Variants in DLG2 observed in about 807,000 individuals in gnomAD.
DLG2 encodes discs large MAGUK scaffold protein 2.
Under a neutral mutation model 132.5 loss-of-function variants are expected in DLG2, and 45 were observed. That is an observed-to-expected ratio of 0.34 (90% CI 0.27 to 0.44). The LOEUF (loss-of-function observed/expected upper bound fraction) is 0.44. Ranked by LOEUF, DLG2 falls within the 20% of genes least tolerant of loss-of-function variation. DLG2 has a pLI of 1.00. For synonymous variants in DLG2, 424 were observed against 419.6 expected, an observed-to-expected ratio of 1.01 and a Z score of -0.13; for missense variants, 1,045 against 1,196.9, an observed-to-expected ratio of 0.87 and a Z score of 1.87.
intron 6 of DLG2, among the ~76,000 whole-genome samples, chr11:84,708,387 A>C (rs1180576180): frequency 2.0e-5 from 3 of 151,914 alleles, no homozygotes; most frequent in African/African-American, 7.2e-5. Flanking sequence ...TTCTGTACAC[A>C]GCAAGCAAAT....
intron 11 of DLG2, among the ~76,000 whole-genome samples, chr11:84,028,713 T>C (rs548191164): frequency 1.3e-5 from 2 of 152,228 alleles, no homozygotes; most frequent in South Asian, 4.1e-4. Flanking sequence ...GGAGTGCCCT[T>C]CTCCAAACTA....
intron 6 of DLG2, among the ~76,000 whole-genome samples, chr11:85,101,863 G>T (rs2070899840): frequency 6.6e-6 from 1 of 152,026 alleles, no homozygotes; most frequent in Admixed American, 6.6e-5. Context: ...CTTCAGTTCT[G>T]AATGGTAGGT....
intron 6 of DLG2, among the ~76,000 whole-genome samples, chr11:85,090,814 CCTGACA>C (rs2068642556): frequency 6.6e-6 from 1 of 152,136 alleles, no homozygotes; most frequent in African/African-American, 2.4e-5. Flanking sequence ...TACAAAGATA[CCTGACA>C]CTGAGTAATT....
At chr11:84,253,975 A>C (rs910600453) in intron 7 of DLG2, among the ~76,000 whole-genome samples, 26 of 152,174 alleles carry the variant, frequency 1.7e-4, no homozygotes, top group African/African-American at 6.3e-4. Context: ...AAGATGCCTA[A>C]GGATATTGCA....
intron 6 of DLG2, among the ~76,000 whole-genome samples, chr11:84,938,945 C>T (rs1392318906): frequency 1.3e-5 from 2 of 152,108 alleles, no homozygotes; most frequent in African/African-American, 2.4e-5. Context: ...TAAAATTAAG[C>T]ACATTCAAAA....
chr11:85,014,396 G>C (rs1210571350), intron 6 of DLG2, among the ~76,000 whole-genome samples: 1 of 152,114 alleles, frequency 6.6e-6, no homozygotes, highest in Admixed American at 6.6e-5. Flanking sequence ...GGAAAGAGTA[G>C]GTATTACTTA....
intron 9 of DLG2, among the ~76,000 whole-genome samples, chr11:84,152,666 G>A (rs940987719): frequency 1.3e-5 from 2 of 152,070 alleles, no homozygotes; most frequent in African/African-American, 2.4e-5. Context: ...GATTACAGGC[G>A]TAAGCCACCG....
chr11:83,731,189 A>G (rs980728204), intron 18 of DLG2, among the ~76,000 whole-genome samples: 4 of 152,192 alleles, frequency 2.6e-5, no homozygotes, highest in African/African-American at 9.7e-5. Context: ...CTACATAGGT[A>G]TACATGTGCC....
At chr11:85,535,507 G>A (rs2075521039) in intron 3 of DLG2, among the ~76,000 whole-genome samples, 1 of 152,146 alleles carries the variant, frequency 6.6e-6, no homozygotes, top group Admixed American at 6.5e-5. Flanking sequence ...TAAATGTGGA[G>A]AAGGTAGAAC....
intron 6 of DLG2, among the ~76,000 whole-genome samples, chr11:84,998,340 T>A (rs1464188469): frequency 2.0e-5 from 3 of 152,110 alleles, no homozygotes; most frequent in African/African-American, 7.2e-5. Context: ...CTTATAAGCA[T>A]CCGACATTTC....
chr11:85,056,916 C>G (rs1192626607), intron 6 of DLG2, among the ~76,000 whole-genome samples: 2 of 151,714 alleles, frequency 1.3e-5, no homozygotes, highest in Non-Finnish European at 3.0e-5. Context: ...AATGAATACA[C>G]CAGCAGATCT....
chr11:83,870,138 A>C (rs2063149974), intron 16 of DLG2, among the ~76,000 whole-genome samples: 1 of 152,182 alleles, frequency 6.6e-6, no homozygotes, highest in African/African-American at 2.4e-5. Context: ...AGCTTTTAAA[A>C]AATTTGTATA....
intron 3 of DLG2, among the ~76,000 whole-genome samples, chr11:85,335,661 C>T (rs2082077329): frequency 6.6e-6 from 1 of 152,132 alleles, no homozygotes; most frequent in Non-Finnish European, 1.5e-5. Context: ...TTCTCCTTTG[C>T]TTATGAAGCT....
chr11:84,676,726 C>T (rs2099712116), intron 6 of DLG2, among the ~76,000 whole-genome samples: 1 of 151,974 alleles, frequency 6.6e-6, no homozygotes, highest in Non-Finnish European at 1.5e-5. Flanking sequence ...TCTTTACATT[C>T]TAGTAGAGGT....
intron 6 of DLG2, among the ~76,000 whole-genome samples, chr11:85,046,033 G>A (rs2062314382): frequency 6.6e-6 from 1 of 151,938 alleles, no homozygotes; most frequent in Non-Finnish European, 1.5e-5. Context: ...TTAGTAGGAA[G>A]CACCAAACTG....
At chr11:83,693,679 G>T (rs1233720381) in intron 18 of DLG2, 1 of 152,180 alleles carries the variant, frequency 6.6e-6, no homozygotes, top group African/African-American at 2.4e-5. Flanking sequence ...ACAGCTTTTA[G>T]CTCTCCGGGT....
intron 3 of DLG2, among the ~76,000 whole-genome samples, chr11:85,558,158 C>G (rs2077036825): frequency 6.6e-6 from 1 of 151,890 alleles, no homozygotes; most frequent in Non-Finnish European, 1.5e-5. Flanking sequence ...TGAACAGGCA[C>G]TTCTCAAAAG....
intron 4 of DLG2, among the ~76,000 whole-genome samples, chr11:85,215,910 T>C (rs1367600494): frequency 2.0e-5 from 3 of 152,042 alleles, no homozygotes; most frequent in South Asian, 2.1e-4. Context: ...ATTTACAGTT[T>C]CAAGAACTTA....
chr11:84,389,380 T>A (rs1257392786), intron 7 of DLG2, among the ~76,000 whole-genome samples: 1 of 152,014 alleles, frequency 6.6e-6, no homozygotes, highest in Non-Finnish European at 1.5e-5. Context: ...TAAAAACCTG[T>A]CCCAAGTCAA....
Sources: gnomAD v4.1 joint callset for allele counts (sites outside exome capture counted in the v4.1 genomes callset) on GRCh38, gnomAD v4.1.1 for gene constraint, MANE v1.5 for transcripts, NCBI Gene and HGNC (gene_info 2026-07-23, HGNC 2026-07-21) for gene names.